Variants in RUNX3 observed in about 807,000 individuals in gnomAD.
The protein encoded by RUNX3 is RUNX family transcription factor 3, also known as runt-related transcription factor 3.
Under a neutral mutation model 27.7 loss-of-function variants are expected in RUNX3, and 10 were observed. The observed-to-expected ratio is 0.36, with a 90% CI of 0.22 to 0.61. The LOEUF is 0.61. Among genes scored for constraint, RUNX3 ranks in the 20% least tolerant of loss-of-function variants. RUNX3 has a pLI of 0.72. For missense variants in RUNX3, 469 were observed against 629.5 expected (o/e 0.75, Z 2.73); for synonymous variants, 270 against 269.2 (o/e 1.00, Z -0.03).
intron 2 of RUNX3, among the ~76,000 whole-genome samples, chr1:24,942,395 C>G (rs547344271): frequency 6.6e-6 from 1 of 152,146 alleles, no homozygotes. Flanking sequence ...TAAATAAGCA[C>G]GCCAATATTT....
At chr1:24,931,265 G>A (rs550825789), upstream of RUNX3, among the ~76,000 whole-genome samples, 273 of 152,298 alleles carry the variant, frequency 1.8e-3, 2 homozygotes, top group African/African-American at 6.4e-3. Context: ...TCTTGGGCCC[G>A]TGCGCTCCGG....
intron 3 of RUNX3, among the ~76,000 whole-genome samples, chr1:24,911,509 G>A (rs968478787): frequency 6.6e-6 from 1 of 152,234 alleles, no homozygotes; most frequent in African/African-American, 2.4e-5. Flanking sequence ...GTCTTTGTGG[G>A]TTGAGGTGCT....
chr1:24,908,743 A>T (rs1191820026), intron 3 of RUNX3, among the ~76,000 whole-genome samples: 2 of 152,224 alleles, frequency 1.3e-5, no homozygotes, highest in Non-Finnish European at 2.9e-5. Flanking sequence ...ACCCAGGAGC[A>T]CTGCCACCCT....
chr1:24,964,397 A>C, intron 2 of RUNX3: 1 of 800,402 alleles, frequency 1.2e-6, no homozygotes, highest in Non-Finnish European at 2.1e-6. Flanking sequence ...TTCAGAGGCC[A>C]GCGGATTTAG....
chr1:24,931,108 C>T (rs1296814076), upstream of RUNX3, among the ~76,000 whole-genome samples: 1 of 152,236 alleles, frequency 6.6e-6, no homozygotes, highest in Non-Finnish European at 1.5e-5. Flanking sequence ...CATGTAACCA[C>T]GGTCCTGCAT....
chr1:24,929,787 TGCCGCCGCC>T lies in RUNX3; in HGVS notation c.73_81del (p.Gly25_Gly27del). On this transcript the variant is annotated inframe_deletion, in exon 1 of 5. Transcript: ENST00000308873. ...AGCGCGCCGCTGTTCTCGCCCATCT[TGCCGCCGCC>T]GCCGCCGCAGGGGAAGGCCGGGGAG... 1 of 1,432,374 alleles carries T rather than the reference TGCCGCCGCC, an allele frequency of 7.0e-7. No individual in the cohort carries two copies. The highest frequency in any genetic ancestry group is 1.4e-5 in the South Asian group (1 of 70,186). 88.7% of individuals were successfully genotyped at this position (1,432,374 alleles called of 1,614,324 possible).
intron 2 of RUNX3, among the ~76,000 whole-genome samples, chr1:24,951,247 A>G (rs1459852235): frequency 2.0e-5 from 3 of 148,554 alleles, no homozygotes; most frequent in Non-Finnish European, 3.0e-5. Flanking sequence ...GTGCCTGCTG[A>G]GAGAGAGAGA....
At chr1:24,922,761 C>A (rs7518125) in intron 2 of RUNX3, among the ~76,000 whole-genome samples, 75,382 of 139,096 alleles carry the variant, frequency 0.54, 20,214 homozygotes, top group South Asian at 0.6. Context: ...GCTTCACCAG[C>A]TATCAGAGGG....
upstream of RUNX3, among the ~76,000 whole-genome samples, chr1:24,932,255 C>T (rs892963069): frequency 3.2e-4 from 49 of 151,870 alleles, no homozygotes; most frequent in Admixed American, 3.3e-4. Context: ...TGGCGCAGGG[C>T]CCGGCACGGC....
chr1:24,955,745 G>A (rs566393548), intron 2 of RUNX3, among the ~76,000 whole-genome samples: 135 of 152,294 alleles, frequency 8.9e-4, no homozygotes, highest in African/African-American at 3.2e-3. Context: ...GGAAAGCTGG[G>A]ACACTGAAAA....
At position 24,964,685 on chromosome 1, in the gene RUNX3, G is replaced by T; in HGVS notation, c.-97-17C>A. 4.0e-6 allele frequency: 6 copies of T among 1,499,966 alleles called. No homozygotes were observed. In the South Asian group the frequency reaches 5.0e-5, roughly 12 times the overall value. 92.9% of individuals were successfully genotyped at this position (1,499,966 alleles called of 1,614,324 possible). A position where few individuals can be genotyped will look rare whatever the true frequency, so the allele number is the denominator to read the frequency against. On this transcript the variant is annotated splice_polypyrimidine_tract_variant and intron_variant, in intron 1 of 6. Coordinates refer to the RUNX3 transcript ENST00000338888. The stretch of plus-strand genomic sequence containing the variant: ...CTCTAGCTACTTTTGAAAATAAAAG[G>T]GGGGGGTGTTGCTTTTTGTTGTTTT...
chr1:24,943,023 G>A lies in RUNX3; in HGVS notation c.59-13171C>T, dbSNP rs935288504. Among the ~76,000 whole-genome samples the A allele has an allele frequency of 1.3e-5, 2 of 152,352 alleles. No homozygotes were observed. Among genetic ancestry groups the A allele is most frequent in the Middle Eastern group, 3.4e-3 (1 of 294 alleles). On this transcript the variant is annotated intron_variant, in intron 2 of 6. Transcript: ENST00000338888. This position sits in a 1 kb window ranked among gnomAD's most constrained non-coding sequence, Gnocchi z 4.6. ...AGGGGGCAGCGGCTCAGGACTGGGCGGGGGTCCGGAGCGGAAGGCGCCCAG... is the reference window on the plus strand; with the variant it reads ...AGGGGGCAGCGGCTCAGGACTGGGCAGGGGTCCGGAGCGGAAGGCGCCCAG...
chr1:24,947,975 G>T (rs1053081693), intron 2 of RUNX3, among the ~76,000 whole-genome samples: 1 of 152,192 alleles, frequency 6.6e-6, no homozygotes, highest in South Asian at 2.1e-4. Flanking sequence ...CCTTCTCCCG[G>T]GCCAGTTTCC....
chr1:24,907,815 C>G (rs540929383), intron 3 of RUNX3, among the ~76,000 whole-genome samples: 2 of 151,646 alleles, frequency 1.3e-5, no homozygotes, highest in Non-Finnish European at 2.9e-5. Context: ...CTACAACACA[C>G]GGTGATCTAA....
intron 3 of RUNX3, among the ~76,000 whole-genome samples, chr1:24,912,958 A>C (rs1207536342): frequency 6.6e-6 from 1 of 152,104 alleles, no homozygotes; most frequent in Admixed American, 6.5e-5. Context: ...GAAGATGAGA[A>C]GGTCTCAGTG....
intron 2 of RUNX3, among the ~76,000 whole-genome samples, chr1:24,944,408 C>T (rs1641554311): frequency 6.6e-6 from 1 of 152,208 alleles, no homozygotes; most frequent in South Asian, 2.1e-4. Context: ...TCCCTGCTGC[C>T]TCCTCCAAGA....
chr1:24,907,202 C>T lies in RUNX3; in HGVS notation c.703+57G>A, dbSNP rs1453733111. ...TTTTGGTCTGGGGCAGATTGGACCACATCGAGGCCCTCCACCCCCACCTCA... is the reference window on the plus strand; with the variant it reads ...TTTTGGTCTGGGGCAGATTGGACCATATCGAGGCCCTCCACCCCCACCTCA... On this transcript the variant is annotated intron_variant, in intron 4 of 4. Transcript: ENST00000308873. The T allele has an allele frequency of 5.8e-6, 9 of 1,557,610 alleles. No individual in the cohort carries two copies. The East Asian group carries it at 1.4e-4, about 24-fold the overall frequency.
rs918825013 is a variant in RUNX3, at chr1:24,959,115, C to T, written c.58+5399G>A. Among the ~76,000 whole-genome samples the T allele has an allele frequency of 7.9e-5, 12 of 152,212 alleles. No individual in the cohort carries two copies. In the East Asian group the frequency reaches 1.9e-3, roughly 24 times the overall value. On this transcript the variant is annotated intron_variant, in intron 2 of 6. Coordinates refer to the RUNX3 transcript ENST00000338888. ...GTCAGGTTTTCAGGCTCTGCTTATCCGTCTCCCGGCCTCCTCCCTCCAGGT... is the reference window on the plus strand; with the variant it reads ...GTCAGGTTTTCAGGCTCTGCTTATCTGTCTCCCGGCCTCCTCCCTCCAGGT...
intron 2 of RUNX3, among the ~76,000 whole-genome samples, chr1:24,946,315 C>T (rs754071646): frequency 7.2e-5 from 11 of 152,180 alleles, no homozygotes; most frequent in Admixed American, 2.6e-4. Context: ...ATGGTTCCCA[C>T]TGGGTGTTCA....
Sources: allele counts gnomAD v4.1 joint callset (sites outside exome capture counted in the v4.1 genomes callset), GRCh38; gene constraint gnomAD v4.1.1; non-coding constraint Gnocchi (gnomAD v3.1); transcripts MANE v1.5; gene names NCBI Gene and HGNC (gene_info 2026-07-23, HGNC 2026-07-21).